LRRTM4: variants seen among roughly 807,000 people sequenced by gnomAD.
The protein encoded by LRRTM4 is leucine rich repeat transmembrane neuronal 4, also known as leucine-rich repeat transmembrane neuronal protein 4.
In LRRTM4, 25 loss-of-function variants were observed where a neutral mutation model predicts 47.6. The observed-to-expected ratio is 0.53, with a 90% CI of 0.38 to 0.73. The LOEUF (loss-of-function observed/expected upper bound fraction) is 0.73, where lower values mean the gene tolerates loss of function less well. LRRTM4 is among the 30% of genes least tolerant of loss of function. LRRTM4 has a pLI of 0.00. For missense variants in LRRTM4, 638 were observed against 713.4 expected (o/e 0.89, Z 1.20); for synonymous variants, 311 against 269.5 (o/e 1.15, Z -1.51).
At chr2:76,872,965 C>T (rs549985979) in intron 3 of LRRTM4, among the ~76,000 whole-genome samples, 38 of 152,202 alleles carry the variant, frequency 2.5e-4, no homozygotes, top group South Asian at 2.5e-3. Context: ...TGATTGGAAA[C>T]TTTTGAGGCC....
At chr2:77,285,222 T>C (rs1676617133) in intron 3 of LRRTM4, among the ~76,000 whole-genome samples, 1 of 151,468 alleles carries the variant, frequency 6.6e-6, no homozygotes, top group Non-Finnish European at 1.5e-5. Flanking sequence ...ACAAATTCTC[T>C]TTAAAAAGCA....
intron 3 of LRRTM4, among the ~76,000 whole-genome samples, chr2:77,394,948 G>A (rs1673644697): frequency 6.6e-6 from 1 of 151,900 alleles, no homozygotes; most frequent in South Asian, 2.1e-4. Flanking sequence ...TTCTGGCATT[G>A]AGCTCAAGTT....
intron 3 of LRRTM4, among the ~76,000 whole-genome samples, chr2:76,845,899 A>G (rs1039702249): frequency 1.8e-4 from 27 of 152,112 alleles, no homozygotes; most frequent in African/African-American, 6.3e-4. Flanking sequence ...ATCTGGAACA[A>G]AGGTGATAAA....
At chr2:77,453,055 A>G (rs1676324684) in intron 3 of LRRTM4, among the ~76,000 whole-genome samples, 1 of 152,000 alleles carries the variant, frequency 6.6e-6, no homozygotes, top group Non-Finnish European at 1.5e-5. Flanking sequence ...ATAAATACTA[A>G]AGTTATTACT....
intron 3 of LRRTM4, among the ~76,000 whole-genome samples, chr2:77,381,543 CA>C (rs1164297469): frequency 1.3e-5 from 2 of 151,934 alleles, no homozygotes; most frequent in African/African-American, 2.4e-5. Flanking sequence ...AATAGGCATA[CA>C]AAATCTGTAA....
intron 3 of LRRTM4, among the ~76,000 whole-genome samples, chr2:77,239,803 A>G (rs1294912491): frequency 6.6e-6 from 1 of 151,852 alleles, no homozygotes; most frequent in Non-Finnish European, 1.5e-5. Flanking sequence ...AATAATCCAC[A>G]AATTTGGTTG....
chr2:77,157,903 G>C (rs552315269), intron 3 of LRRTM4, among the ~76,000 whole-genome samples: 1 of 152,224 alleles, frequency 6.6e-6, no homozygotes, highest in South Asian at 2.1e-4. Flanking sequence ...AGGTCAAACA[G>C]CTCGAGTGAG....
chr2:77,125,107 C>T (rs189775404), intron 3 of LRRTM4, among the ~76,000 whole-genome samples: 241 of 152,202 alleles, frequency 1.6e-3, no homozygotes, highest in Non-Finnish European at 2.4e-3. Context: ...AAATGATTTC[C>T]AGTGCCAACA....
At chr2:77,159,362 A>G (rs1308222146) in intron 3 of LRRTM4, among the ~76,000 whole-genome samples, 1 of 152,108 alleles carries the variant, frequency 6.6e-6, no homozygotes, top group Non-Finnish European at 1.5e-5. Context: ...AAGTGTTATT[A>G]AGAAAATCGT....
intron 3 of LRRTM4, among the ~76,000 whole-genome samples, chr2:76,915,865 T>C (rs1429316892): frequency 6.6e-6 from 1 of 152,164 alleles, no homozygotes; most frequent in African/African-American, 2.4e-5. Flanking sequence ...TCTACTTCTA[T>C]AAAAGTAGAT....
chr2:77,043,861 A>T (rs1474797480), intron 3 of LRRTM4, among the ~76,000 whole-genome samples: 2 of 151,748 alleles, frequency 1.3e-5, no homozygotes, highest in African/African-American at 4.8e-5. Flanking sequence ...AATGTCTTAC[A>T]ATTAAAATAG....
intron 3 of LRRTM4, among the ~76,000 whole-genome samples, chr2:77,509,503 C>T (rs1436539920): frequency 2.6e-5 from 4 of 151,996 alleles, no homozygotes; most frequent in Admixed American, 6.6e-5. Flanking sequence ...AGACAAGGGA[C>T]GGAAAGGTCA....
At position 77,518,384 on chromosome 2, in the gene LRRTM4, G is replaced by A; in HGVS notation, c.1485C>T (p.Thr495=). ...CAGATCCATTAACCGATATATCCATGGTCTCAGAGTTTGTAGGCTTGTAGT... is the reference window on the plus strand; with the variant it reads ...CAGATCCATTAACCGATATATCCATAGTCTCAGAGTTTGTAGGCTTGTAGT... ...YVDYKPTNSE[T]MDISVNGSGP... is the part of the protein sequence containing the mutation. Residue 495 remains threonine, a synonymous_variant, in exon 3 of 4, where the codon ACC becomes ACT. Coordinates refer to ENST00000409884, the MANE Select transcript of LRRTM4 (RefSeq NM_001134745.3). The A allele has an allele frequency of 1.2e-6, 2 of 1,612,902 alleles. No individual in the cohort carries two copies. The highest frequency in any genetic ancestry group is 8.5e-7 in the Non-Finnish European group (1 of 1,179,408).
intron 3 of LRRTM4, among the ~76,000 whole-genome samples, chr2:77,208,992 A>T (rs1189377282): frequency 6.6e-6 from 1 of 152,122 alleles, no homozygotes; most frequent in Non-Finnish European, 1.5e-5. Flanking sequence ...TACCAGGTGA[A>T]ATTTCACCCC....
chr2:77,243,653 T>C (rs1290494365), intron 3 of LRRTM4, among the ~76,000 whole-genome samples: 1 of 152,032 alleles, frequency 6.6e-6, no homozygotes, highest in South Asian at 2.1e-4. Flanking sequence ...TACTTAACAC[T>C]AGTGAACTGT....
intron 3 of LRRTM4, among the ~76,000 whole-genome samples, chr2:77,015,710 C>T (rs1305873013): frequency 1.3e-5 from 2 of 152,006 alleles, no homozygotes; most frequent in African/African-American, 4.8e-5. Context: ...TTCTGCCTTG[C>T]AAATGTATGA....
At position 76,877,482 on chromosome 2, in the gene LRRTM4, G is replaced by T. The variant is rs181035750; in HGVS notation, c.1552-128566C>A. Among the ~76,000 whole-genome samples the T allele has an allele frequency of 1.3e-3, 201 of 151,986 alleles. 1 individual carries two copies. Among genetic ancestry groups the T allele is most frequent in the South Asian group, 4.2e-3 (20 of 4,818 alleles). On this transcript the variant is annotated intron_variant, in intron 3 of 3. Coordinates refer to ENST00000409884, the MANE Select transcript of LRRTM4 (RefSeq NM_001134745.3). ...GCGTGGTATTTAGTATACCTAGGGT[G>T]AAGTATAAAATAATGCCTATGATTA...
At chr2:76,928,459 C>T (rs1272722457) in intron 3 of LRRTM4, among the ~76,000 whole-genome samples, 6 of 152,040 alleles carry the variant, frequency 3.9e-5, no homozygotes, top group African/African-American at 1.4e-4. Flanking sequence ...TGGGCCTGAC[C>T]ACTATCCACG....
intron 3 of LRRTM4, among the ~76,000 whole-genome samples, chr2:76,808,052 CTT>C (rs1296595108): frequency 2.1e-5 from 3 of 141,686 alleles, no homozygotes; most frequent in Non-Finnish European, 4.6e-5. Context: ...TTGTTTTGCT[CTT>C]GTTGCCCAGG....
Sources: allele counts gnomAD v4.1 joint callset (sites outside exome capture counted in the v4.1 genomes callset), GRCh38; gene constraint gnomAD v4.1.1; transcripts MANE v1.5; gene names NCBI Gene and HGNC (gene_info 2026-07-23, HGNC 2026-07-21).